The following ARSB variants were observed in gnomAD, a reference collection of about 807,000 sequenced individuals.
ARSB encodes arylsulfatase B.
A neutral mutation model predicts 50.9 loss-of-function variants in ARSB; 41 were observed. The observed-to-expected ratio is 0.81, with a 90% confidence interval of 0.63 to 1.04. The LOEUF is 1.04. ARSB is among the 50% of genes least tolerant of loss of function. ARSB has a pLI of 0.00. For missense variants in ARSB, 672 were observed against 693.3 expected (o/e 0.97, Z 0.35); for synonymous variants, 269 against 284.8 (o/e 0.94, Z 0.56).
At position 78,946,785 on chromosome 5, in the gene ARSB, A is replaced by AT. The variant is rs547088861; in HGVS notation, c.898+8509dup. On this transcript the variant is annotated intron_variant, in intron 4 of 7. Transcript: ENST00000264914. ...TAGAAAGAGAAAAAATAATTCTAAAATTTATATGGAACCACAAAAGACCCA... is the reference window on the plus strand; with the variant it reads ...TAGAAAGAGAAAAAATAATTCTAAAATTTTATATGGAACCACAAAAGACCCA... Among the ~76,000 whole-genome samples, 328 of 152,294 alleles carry AT rather than the reference A, an allele frequency of 2.2e-3. 2 individuals are homozygous for AT. Among genetic ancestry groups the AT allele is most frequent in the African/African-American group, 7.6e-3 (315 of 41,568 alleles).
chr5:78,923,583 A>C (rs1749921587), intron 4 of ARSB, among the ~76,000 whole-genome samples: 1 of 152,240 alleles, frequency 6.6e-6, no homozygotes, highest in Non-Finnish European at 1.5e-5. Context: ...TTAACTATGG[A>C]TCACAGTCCC....
chr5:78,849,469 C>G (rs1368944764), intron 5 of ARSB, among the ~76,000 whole-genome samples: 4 of 150,738 alleles, frequency 2.7e-5, no homozygotes, highest in African/African-American at 9.7e-5. Context: ...GTTACTGTAG[C>G]CTTGTAGTAT....
intron 5 of ARSB, among the ~76,000 whole-genome samples, chr5:78,878,069 T>A (rs1747570062): frequency 6.6e-6 from 1 of 151,866 alleles, no homozygotes; most frequent in African/African-American, 2.4e-5. Context: ...CTGCCCAAAA[T>A]GAAATAAAGA....
chr5:78,896,146 A>T (rs781382140), intron 4 of ARSB, among the ~76,000 whole-genome samples: 5 of 152,220 alleles, frequency 3.3e-5, no homozygotes, highest in Non-Finnish European at 5.9e-5. Flanking sequence ...AAGGGGTTGC[A>T]GCTGAACTGA....
intron 5 of ARSB, among the ~76,000 whole-genome samples, chr5:78,868,820 T>C (rs1399751319): frequency 6.9e-6 from 1 of 145,582 alleles, no homozygotes; most frequent in African/African-American, 2.8e-5. Context: ...CAATATTAAC[T>C]TTAAATGTAA....
chr5:78,900,449 G>C (rs780193992), intron 4 of ARSB, among the ~76,000 whole-genome samples: 1 of 152,110 alleles, frequency 6.6e-6, no homozygotes, highest in Non-Finnish European at 1.5e-5. Context: ...ACTTTTTCCA[G>C]TGTAAAAACA....
Position 78,984,923 on chromosome 5 carries a change from G to A in ARSB, c.312+14C>T. ...CGGGGCGGGGGCGGCGCGGGCGGCG[G>A]GGGCGCCGCGTACCTGGTAGCGGCC... On this transcript the variant is annotated intron_variant, in intron 1 of 7. Transcript: ENST00000264914. The A allele has an allele frequency of 7.5e-7, 1 of 1,331,144 alleles. No homozygotes were observed. 82.5% of individuals were successfully genotyped at this position (1,331,144 alleles called of 1,614,324 possible). A position where few individuals can be genotyped will look rare whatever the true frequency, so the allele number is the denominator to read the frequency against.
At chr5:78,844,146 C>T (rs921754015) in intron 5 of ARSB, among the ~76,000 whole-genome samples, 21 of 152,256 alleles carry the variant, frequency 1.4e-4, no homozygotes, top group East Asian at 5.8e-4. Context: ...AAAGCAGCTA[C>T]GCCATTTCAC....
At chr5:78,865,738 G>A (rs778978293) in intron 5 of ARSB, among the ~76,000 whole-genome samples, 1 of 152,136 alleles carries the variant, frequency 6.6e-6, no homozygotes, top group Non-Finnish European at 1.5e-5. Flanking sequence ...ATGCTTTGCT[G>A]CTTAGAAATT....
rs1376878466 is a variant in ARSB, at chr5:78,964,451, C to T, written c.655G>A (p.Ala219Thr). The change falls in exon 3 of 8, where the codon GCT (alanine) becomes ACT (threonine). Residue 219 changes from alanine to threonine, a missense_variant. Transcript: ENST00000264914. Reference sequence around the variant, plus strand: ...GGATGGTTAGTTATGAGGGCTATAGCCCTTTTGGTGAATATGTTTGTTGAA... The same window carrying T: ...GGATGGTTAGTTATGAGGGCTATAGTCCTTTTGGTGAATATGTTTGTTGAA... ...MYSTNIFTKRAIALITNHPPE... is the reference protein window; with the variant it reads ...MYSTNIFTKRTIALITNHPPE... 1.9e-6 allele frequency: 3 copies of T among 1,614,012 alleles called. No individual in the cohort carries two copies. The highest frequency in any genetic ancestry group is 2.5e-6 in the Non-Finnish European group (3 of 1,179,914).
rs1753090004 is a variant in ARSB at position 78,984,921 on chromosome 5, C to T, written c.312+16G>A. 8.3e-6 allele frequency: 11 copies of T among 1,321,188 alleles called. No homozygotes were observed. The highest frequency in any genetic ancestry group is 9.6e-6 in the Non-Finnish European group (10 of 1,038,564). 81.8% of individuals were successfully genotyped at this position (1,321,188 alleles called of 1,614,324 possible). The stretch of plus-strand genomic sequence containing the variant: ...GGCGGGGCGGGGGCGGCGCGGGCGG[C>T]GGGGGCGCCGCGTACCTGGTAGCGG... On this transcript the variant is annotated intron_variant, in intron 1 of 7. Transcript: ENST00000264914.
intron 5 of ARSB, among the ~76,000 whole-genome samples, chr5:78,853,355 T>A (rs1386627095): frequency 1.3e-5 from 2 of 152,228 alleles, no homozygotes; most frequent in Non-Finnish European, 2.9e-5. Flanking sequence ...TCAGCAGCGG[T>A]GGCTGCAGAA....
intron 4 of ARSB, among the ~76,000 whole-genome samples, chr5:78,899,879 C>T (rs1241212034): frequency 6.6e-6 from 1 of 152,098 alleles, no homozygotes; most frequent in East Asian, 1.9e-4. Flanking sequence ...TTGTTACTTG[C>T]GGGTATATGT....
intron 4 of ARSB, among the ~76,000 whole-genome samples, chr5:78,888,292 G>C (rs1184533781): frequency 6.6e-6 from 1 of 152,084 alleles, no homozygotes; most frequent in African/African-American, 2.4e-5. Flanking sequence ...AACAACAAAA[G>C]GTCACCATCA....
intron 6 of ARSB, chr5:78,815,981 T>A (rs1743971099): frequency 1.3e-6 from 2 of 1,555,108 alleles, no homozygotes. Context: ...CTTCTGCCAC[T>A]TCTGCAGGAG....
intron 5 of ARSB, among the ~76,000 whole-genome samples, chr5:78,874,887 T>C (rs890961611): frequency 6.6e-6 from 1 of 152,170 alleles, no homozygotes; most frequent in Non-Finnish European, 1.5e-5. Context: ...GGCAGGAGGA[T>C]TGCTTGAGCC....
chr5:78,857,909 A>C (rs1330254061), intron 5 of ARSB, among the ~76,000 whole-genome samples: 1 of 152,216 alleles, frequency 6.6e-6, no homozygotes, highest in East Asian at 1.9e-4. Flanking sequence ...AGTAGCTTGC[A>C]CTGATAGAAC....
chr5:78,924,730 G>A (rs879597377), intron 4 of ARSB, among the ~76,000 whole-genome samples: 4 of 152,202 alleles, frequency 2.6e-5, no homozygotes, highest in South Asian at 4.1e-4. Flanking sequence ...TTCCTACGAT[G>A]AGCAATATAT....
intron 4 of ARSB, among the ~76,000 whole-genome samples, chr5:78,936,033 C>G (rs1272058702): frequency 8.2e-4 from 99 of 121,318 alleles, no homozygotes; most frequent in Non-Finnish European, 1.3e-3. Context: ...CTCTCCCCCC[C>G]CACCTCCCTC....
Sources: gnomAD v4.1 joint callset for allele counts (sites outside exome capture counted in the v4.1 genomes callset) on GRCh38, gnomAD v4.1.1 for gene constraint, MANE v1.5 for transcripts, NCBI Gene and HGNC (gene_info 2026-07-23, HGNC 2026-07-21) for gene names.